Variants in RABGAP1L observed in about 807,000 individuals in gnomAD.
RABGAP1L encodes the protein RAB GTPase activating protein 1 like.
RABGAP1L carries 63 observed loss-of-function variants against 137.7 expected under a neutral mutation model. That is an observed-to-expected ratio of 0.46 (90% CI 0.37 to 0.56). The LOEUF (loss-of-function observed/expected upper bound fraction) is 0.56. Among genes scored for constraint, RABGAP1L ranks in the 20% least tolerant of loss-of-function variants. The probability of loss-of-function intolerance (pLI) is 0.00; values close to 1 mark genes in which losing one functional copy is unlikely to be tolerated. For missense variants in RABGAP1L, 1,095 were observed against 1,244.0 expected, an observed-to-expected ratio of 0.88 and a Z score of 1.80; for synonymous variants, 431 against 433.7, an observed-to-expected ratio of 0.99 and a Z score of 0.08.
chr1:174,951,121 C>T (rs1667637588), intron 19 of RABGAP1L, among the ~76,000 whole-genome samples: 1 of 152,202 alleles, frequency 6.6e-6, no homozygotes, highest in African/African-American at 2.4e-5. Flanking sequence ...AACCCTCTGT[C>T]CCACAAATTT....
chr1:174,457,322 AG>A (rs1656146170), intron 13 of RABGAP1L, among the ~76,000 whole-genome samples: 1 of 152,168 alleles, frequency 6.6e-6, no homozygotes, highest in Admixed American at 6.6e-5. Flanking sequence ...TGTAAGTAAA[AG>A]AAAATATTCT....
intron 13 of RABGAP1L, among the ~76,000 whole-genome samples, chr1:174,595,790 G>A (rs1364089525): frequency 1.4e-5 from 1 of 72,762 alleles, no homozygotes; most frequent in Non-Finnish European, 2.3e-5. Flanking sequence ...AGTCTGCAGA[G>A]GTTACTGCTG....
chr1:174,202,770 T>A (rs949768265), intron 1 of RABGAP1L, among the ~76,000 whole-genome samples: 1 of 152,182 alleles, frequency 6.6e-6, no homozygotes, highest in African/African-American at 2.4e-5. Context: ...TCTTCTAGGG[T>A]TTTTATGGTT....
intron 19 of RABGAP1L, among the ~76,000 whole-genome samples, chr1:174,815,123 C>A (rs1690257605): frequency 6.6e-6 from 1 of 152,166 alleles, no homozygotes; most frequent in Admixed American, 6.5e-5. Flanking sequence ...AAGACCTATC[C>A]CACTGTTCCT....
chr1:174,939,198 T>C (rs573735166), intron 19 of RABGAP1L, among the ~76,000 whole-genome samples: 15 of 152,314 alleles, frequency 9.8e-5, no homozygotes, highest in Admixed American at 2.0e-4. Context: ...TGTTTATGTG[T>C]TAAAAATCTA....
At chr1:174,467,293 C>G (rs1657409483) in intron 13 of RABGAP1L, among the ~76,000 whole-genome samples, 1 of 151,964 alleles carries the variant, frequency 6.6e-6, no homozygotes. Context: ...AATTTGTCTT[C>G]TCTGTAGTCA....
chr1:174,908,315 T>C (rs894877411), intron 19 of RABGAP1L, among the ~76,000 whole-genome samples: 6 of 152,168 alleles, frequency 3.9e-5, no homozygotes, highest in Non-Finnish European at 8.8e-5. Context: ...CTGACATTTA[T>C]AGTACATTTC....
Position 174,713,785 on chromosome 1 carries a change from A to G in RABGAP1L, c.2169+11529A>G, listed in dbSNP as rs115967774. Among the ~76,000 whole-genome samples the G allele has an allele frequency of 8.9e-3, 1,358 of 152,252 alleles. 22 individuals are homozygous for G. The highest frequency in any genetic ancestry group is 0.031 in the African/African-American group (1,303 of 41,540). ...GCATGAACCAGACTAACACACACTC[A>G]CTAGTTTATCAAGTCTACCTCCAAA... On this transcript the variant is annotated intron_variant, in intron 17 of 25. Coordinates refer to ENST00000681986, the MANE Select transcript of RABGAP1L (RefSeq NM_001366446.1).
At position 174,648,082 on chromosome 1, in the gene RABGAP1L, A is replaced by G. The variant is rs373531813; in HGVS notation, c.1824+10594A>G. On this transcript the variant is annotated intron_variant, in intron 14 of 25. Coordinates refer to ENST00000681986, the MANE Select transcript of RABGAP1L (RefSeq NM_001366446.1). Reference sequence around the variant, plus strand: ...TATCATTTTTTATTGTGTCTATTTGATTCTTCTCTCTTTTCTTTTTTATTA... The same window carrying G: ...TATCATTTTTTATTGTGTCTATTTGGTTCTTCTCTCTTTTCTTTTTTATTA... 4.6e-5 allele frequency among the ~76,000 whole-genome samples: 7 copies of G among 151,396 alleles called. No homozygotes were observed. In the East Asian group the frequency reaches 7.8e-4, roughly 17 times the overall value.
Position 174,231,296 on chromosome 1 carries a change from C to T in RABGAP1L, c.483C>T (p.Ser161=), listed in dbSNP as rs370425662. The change falls in exon 4 of 26, where the codon TCC becomes TCT. Residue 161 remains serine (S), a synonymous_variant. Transcript: ENST00000681986. ...GGGCAATGGCAACCATGAAATCTTC[C>T]AGTCAATACCCCTTTCCTGTTACCC... ...ALRAMATMKS[S]SQYPFPVTLY... 6.8e-6 allele frequency: 11 copies of T among 1,613,996 alleles called. No individual in the cohort carries two copies. The African/African-American group carries it at 1.3e-4, about 20-fold the overall frequency.
intron 15 of RABGAP1L, among the ~76,000 whole-genome samples, chr1:174,685,542 C>T (rs1475664812): frequency 3.3e-5 from 4 of 122,284 alleles, no homozygotes; most frequent in South Asian, 2.5e-4. Context: ...CGTGAGCCAC[C>T]GCGCCGGCCT....
intron 20 of RABGAP1L, among the ~76,000 whole-genome samples, chr1:174,962,049 C>T (rs28660133): frequency 0.11 from 16,378 of 151,814 alleles, 970 homozygotes; most frequent in East Asian, 0.23. Flanking sequence ...GTGGTGGGCA[C>T]CTGTAGTCCC....
chr1:174,187,615 A>T (rs1287312663), intron 1 of RABGAP1L, among the ~76,000 whole-genome samples: 2 of 152,152 alleles, frequency 1.3e-5, no homozygotes, highest in East Asian at 3.8e-4. Flanking sequence ...TCAGATGCTA[A>T]TACTGAAGAG....
At chr1:174,375,944 T>C (rs1266837215) in intron 12 of RABGAP1L, among the ~76,000 whole-genome samples, 1 of 152,054 alleles carries the variant, frequency 6.6e-6, no homozygotes, top group Admixed American at 6.6e-5. Flanking sequence ...GGTGTGCACC[T>C]GTAATCTCAG....
intron 13 of RABGAP1L, among the ~76,000 whole-genome samples, chr1:174,436,852 G>A (rs1047233461): frequency 9.9e-5 from 15 of 152,266 alleles, no homozygotes; most frequent in Non-Finnish European, 2.1e-4. Context: ...ACACAGCCAG[G>A]TACTCCTCTG....
At chr1:174,572,079 G>C (rs1369500416) in intron 13 of RABGAP1L, among the ~76,000 whole-genome samples, 2 of 152,132 alleles carry the variant, frequency 1.3e-5, no homozygotes, top group Non-Finnish European at 2.9e-5. Context: ...AACATTCCCT[G>C]CTAAATCAAA....
At chr1:174,338,606 A>G (rs1681695605) in intron 11 of RABGAP1L, among the ~76,000 whole-genome samples, 1 of 151,314 alleles carries the variant, frequency 6.6e-6, no homozygotes, top group South Asian at 2.1e-4. Context: ...TAACCTATTT[A>G]GTGTATGTGG....
At chr1:174,928,419 C>T (rs147146636) in intron 19 of RABGAP1L, among the ~76,000 whole-genome samples, 2,722 of 151,610 alleles carry the variant, frequency 0.018, 37 homozygotes, top group South Asian at 0.032. Context: ...ATTTTATTCA[C>T]CATTGTATTC....
intron 13 of RABGAP1L, among the ~76,000 whole-genome samples, chr1:174,459,490 T>A (rs1003177705): frequency 3.3e-5 from 5 of 152,128 alleles, no homozygotes; most frequent in African/African-American, 9.6e-5. Flanking sequence ...AAGTCCCTTT[T>A]ATATAATCAC....
Sources: allele counts gnomAD v4.1 joint callset (sites outside exome capture counted in the v4.1 genomes callset), GRCh38; gene constraint gnomAD v4.1.1; transcripts MANE v1.5; gene names NCBI Gene and HGNC (gene_info 2026-07-23, HGNC 2026-07-21).